Variants in SYTL3 observed in about 807,000 individuals in gnomAD.
The protein encoded by SYTL3 is synaptotagmin like 3.
In SYTL3, 88 loss-of-function variants were observed where a neutral mutation model predicts 82.1. The observed-to-expected ratio is 1.07, with a 90% CI of 0.90 to 1.28. The LOEUF (loss-of-function observed/expected upper bound fraction) is 1.28. Ranked by LOEUF, SYTL3 falls within the 50% of genes most tolerant of loss-of-function variation. The pLI is 0.00. For synonymous variants in SYTL3, 311 were observed against 289.4 expected (o/e 1.07, Z -0.76); for missense variants, 831 against 757.6 (o/e 1.10, Z -1.14).
intron 2 of SYTL3, among the ~76,000 whole-genome samples, chr6:158,652,247 T>TTTA (rs1182900872): frequency 4.7e-5 from 7 of 150,300 alleles, no homozygotes; most frequent in African/African-American, 1.7e-4. Flanking sequence ...ATTTACTTAT[T>TTTA]TTATTATTAT....
intron 12 of SYTL3, among the ~76,000 whole-genome samples, chr6:158,746,376 C>T (rs1349427566): frequency 1.3e-5 from 2 of 151,344 alleles, no homozygotes; most frequent in African/African-American, 4.9e-5. Flanking sequence ...TCTTGATTCA[C>T]ACAATCCATA....
intron 17 of SYTL3, 100 bp from the exon 18 acceptor site, chr6:158,764,395 G>T: frequency 1.2e-6 from 1 of 832,164 alleles, no homozygotes; most frequent in Non-Finnish European, 2.0e-6. Context: ...ATGTGGACTT[G>T]AGGTGAAAAA....
intron 5 of SYTL3, among the ~76,000 whole-genome samples, chr6:158,672,919 G>C (rs1777563053): frequency 6.6e-6 from 1 of 151,976 alleles, no homozygotes; most frequent in Non-Finnish European, 1.5e-5. Flanking sequence ...TCAGGCGTGA[G>C]CCACCTCACC....
In SYTL3 at chr6:158,667,995, CTT is replaced by C. The variant is rs1790286976; in HGVS notation, c.329+2385_329+2386del. 2.0e-5 allele frequency among the ~76,000 whole-genome samples: 3 copies of C among 152,260 alleles called. No individual in the cohort carries two copies. In the South Asian group the frequency reaches 6.2e-4, roughly 32 times the overall value. The stretch of plus-strand genomic sequence containing the variant: ...CCAGAACATCCATGGTTGGAATAGT[CTT>C]TTAATGTTTTATTAAAAGCATAAAA... On this transcript the variant is annotated intron_variant, in intron 5 of 17. Coordinates refer to ENST00000611299, the MANE Select transcript of SYTL3 (RefSeq NM_001242394.2).
At chr6:158,763,104 G>A (rs111890310) in intron 16 of SYTL3, among the ~76,000 whole-genome samples, 200 bp from the exon 17 acceptor site, 376 of 152,328 alleles carry the variant, frequency 2.5e-3, no homozygotes, top group African/African-American at 8.4e-3. Context: ...CATGCAGCTC[G>A]CCCTTCATAC....
intron 11 of SYTL3, among the ~76,000 whole-genome samples, chr6:158,730,570 G>A (rs750458219): frequency 4.6e-5 from 7 of 152,164 alleles, no homozygotes; most frequent in Non-Finnish European, 1.0e-4. Flanking sequence ...GGTGGCCTCT[G>A]GGGTAAGGAA....
rs999445853 is a variant in SYTL3 at position 158,663,030 on chromosome 6, C to G, written c.-239C>G. Reference sequence around the variant, plus strand: ...AAAACACCCCCCGGGTAGCACGAGGCTCTGCGAGCCGTAACTCCGACAAAC... The same window carrying G: ...AAAACACCCCCCGGGTAGCACGAGGGTCTGCGAGCCGTAACTCCGACAAAC... On this transcript the variant is annotated 5_prime_UTR_variant, in exon 4 of 18. Transcript: ENST00000611299. 4 of 412,224 alleles carry G rather than the reference C, an allele frequency of 9.7e-6. No individual in the cohort carries two copies. Among genetic ancestry groups the G allele is most frequent in the African/African-American group, 8.2e-5 (4 of 49,042 alleles). The allele number at this position is 412,224 out of a possible 1,614,324, so 25.5% of individuals were successfully genotyped here. A position where few individuals can be genotyped will look rare whatever the true frequency, so the allele number is the denominator to read the frequency against.
Position 158,665,510 on chromosome 6 carries a change from CG to C in SYTL3, c.230del (p.Gly77AlafsTer19), listed in dbSNP as rs1789938781. ...CQQVLGFLLH[R>X]GAVCRGCSHR... ...GCAGGTGCTGGGGTTCCTGCTGCACCGGGGCGCCGTGTGCCGGGGCTGCAGC... is the reference window on the plus strand; with the variant it reads ...GCAGGTGCTGGGGTTCCTGCTGCACCGGGCGCCGTGTGCCGGGGCTGCAGC... On this transcript the variant is annotated frameshift_variant, in exon 5 of 18. Coordinates refer to ENST00000611299, the MANE Select transcript of SYTL3 (RefSeq NM_001242394.2). LOFTEE classifies it high-confidence loss of function. The C allele has an allele frequency of 6.3e-7, 1 of 1,596,578 alleles. No individual in the cohort carries two copies.
At chr6:158,675,853 G>A (rs1777972193) in intron 5 of SYTL3, among the ~76,000 whole-genome samples, 1 of 152,190 alleles carries the variant, frequency 6.6e-6, no homozygotes, top group Non-Finnish European at 1.5e-5. Context: ...AGGAGGCTGA[G>A]GCAGGAGAAT....
chr6:158,736,253 A>T, intron 11 of SYTL3, among the ~76,000 whole-genome samples: 1 of 152,012 alleles, frequency 6.6e-6, no homozygotes, highest in East Asian at 1.9e-4. Flanking sequence ...CGGGAGGCTG[A>T]GGCAGGAGAA....
At chr6:158,689,357 A>G (rs1402029466) in intron 6 of SYTL3, among the ~76,000 whole-genome samples, 1 of 152,212 alleles carries the variant, frequency 6.6e-6, no homozygotes, top group Non-Finnish European at 1.5e-5. Flanking sequence ...CATCGTTTTG[A>G]TTTGAATTCA....
Position 158,762,188 on chromosome 6 carries a change from C to A in SYTL3, c.1517+10C>A. The A allele has an allele frequency of 6.3e-7, 1 of 1,580,928 alleles. No homozygotes were observed. The highest frequency in any genetic ancestry group is 8.7e-7 in the Non-Finnish European group (1 of 1,150,896). On this transcript the variant is annotated intron_variant, in intron 16 of 17. Transcript: ENST00000611299. ...ACTCATTTGTTAAGGGGTAGGTATT[C>A]GATGTAATCAAATATTTATTGGTGA... is the stretch of plus-strand genomic sequence containing the variant.
chr6:158,752,131 T>A lies in SYTL3; in HGVS notation c.1137+101T>A, dbSNP rs1788477121. 9.0e-6 allele frequency: 6 copies of A among 668,172 alleles called. No individual in the cohort carries two copies. The East Asian group carries it at 1.9e-4, about 21-fold the overall frequency. 41.4% of individuals were successfully genotyped at this position (668,172 alleles called of 1,614,324 possible). A position where few individuals can be genotyped will look rare whatever the true frequency, so the allele number is the denominator to read the frequency against. ...TGGTGCTTTCAAACTCTTGACTCAG[T>A]TAGATATAATACAGACACCTATATG... On this transcript the variant is annotated intron_variant, in intron 13 of 17. Coordinates refer to ENST00000611299, the MANE Select transcript of SYTL3 (RefSeq NM_001242394.2).
chr6:158,745,561 G>T lies in SYTL3; in HGVS notation c.937G>T (p.Ala313Ser). ...TAATGTCACTGGAGAAATAGAATTT[G>T]CCATTCATTATTGCTTCAAAACCCA... ...NANVTGEIEFAIHYCFKTHSL... is the reference protein window; with the variant it reads ...NANVTGEIEFSIHYCFKTHSL... Residue 313 changes from alanine (A) to serine (S), a missense_variant, in exon 12 of 18, where the codon GCC (alanine) becomes TCC (serine). Physicochemically the swap from Ala to Ser is moderately conservative, Grantham distance 99. Coordinates refer to ENST00000611299, the MANE Select transcript of SYTL3 (RefSeq NM_001242394.2). The T allele has an allele frequency of 8.1e-6, 13 of 1,613,708 alleles. No individual in the cohort carries two copies. Among genetic ancestry groups the T allele is most frequent in the Non-Finnish European group, 1.1e-5 (13 of 1,179,878 alleles).
At chr6:158,758,936 A>G (rs895332112) in intron 14 of SYTL3, among the ~76,000 whole-genome samples, 2 of 152,104 alleles carry the variant, frequency 1.3e-5, no homozygotes, top group African/African-American at 4.8e-5. Context: ...GGGTGGGTGA[A>G]GCATCTGGCT....
At chr6:158,764,011 T>G (rs1790388585) in intron 17 of SYTL3, among the ~76,000 whole-genome samples, 1 of 152,202 alleles carries the variant, frequency 6.6e-6, no homozygotes, top group Non-Finnish European at 1.5e-5. Context: ...CAAAAACACC[T>G]GCACACATCT....
chr6:158,665,090 G>A (rs1319324630), intron 4 of SYTL3, among the ~76,000 whole-genome samples: 4 of 152,214 alleles, frequency 2.6e-5, no homozygotes, highest in Non-Finnish European at 5.9e-5. Flanking sequence ...CCTTTGGGCA[G>A]GAAGGGATGG....
chr6:158,659,690 T>C (rs186964117), intron 2 of SYTL3, among the ~76,000 whole-genome samples: 1 of 152,302 alleles, frequency 6.6e-6, no homozygotes, highest in African/African-American at 2.4e-5. Context: ...AGGATGTCTT[T>C]CTGTATTTCT....
chr6:158,652,401 G>A (rs1303391286), intron 2 of SYTL3, among the ~76,000 whole-genome samples: 10 of 151,852 alleles, frequency 6.6e-5, no homozygotes, highest in African/African-American at 2.2e-4. Flanking sequence ...GGCACCTGCC[G>A]CCACACCTGG....
Sources: gnomAD v4.1 joint callset for allele counts (sites outside exome capture counted in the v4.1 genomes callset) on GRCh38, gnomAD v4.1.1 for gene constraint, MANE v1.5 for transcripts, NCBI Gene and HGNC (gene_info 2026-07-23, HGNC 2026-07-21) for gene names.